Variants in TMCO4 observed in about 807,000 individuals in gnomAD.
The protein encoded by TMCO4 is transmembrane and coiled-coil domain-containing protein 4.
TMCO4 carries 58 observed loss-of-function variants against 64.7 expected under a neutral mutation model. The ratio of observed to expected loss-of-function variants is 0.90; its 90% CI spans 0.73 to 1.12. The LOEUF (loss-of-function observed/expected upper bound fraction) is 1.12, where lower values mean the gene tolerates loss of function less well. TMCO4 is among the 50% of genes most tolerant of loss of function. The pLI is 0.00. For synonymous variants in TMCO4, 325 were observed against 346.1 expected (o/e 0.94, Z 0.68); for missense variants, 780 against 825.9 (o/e 0.94, Z 0.68).
At chr1:19,721,188 A>G (rs556407408) in intron 13 of TMCO4, among the ~76,000 whole-genome samples, 25 of 152,266 alleles carry the variant, frequency 1.6e-4, no homozygotes, top group African/African-American at 5.8e-4. Context: ...AGGGAAGGAA[A>G]CTGAGAATGG....
intron 13 of TMCO4, among the ~76,000 whole-genome samples, chr1:19,725,155 A>G (rs2095403277): frequency 1.3e-5 from 2 of 152,186 alleles, no homozygotes; most frequent in Non-Finnish European, 2.9e-5. Flanking sequence ...CAGATGGGGA[A>G]GCCAGGATTG....
chr1:19,795,436 C>T (rs2101158973), intron 2 of TMCO4, among the ~76,000 whole-genome samples: 1 of 152,266 alleles, frequency 6.6e-6, no homozygotes, highest in East Asian at 1.9e-4. Flanking sequence ...TGCGCCATTG[C>T]ACTCCAGCCT....
intron 13 of TMCO4, among the ~76,000 whole-genome samples, chr1:19,709,289 G>A (rs375235372): frequency 7.6e-5 from 11 of 144,152 alleles, no homozygotes; most frequent in African/African-American, 2.6e-4. Context: ...ATCCCGGCGG[G>A]GGGGGGGGAC....
At chr1:19,697,576 G>A (rs895486120) in intron 14 of TMCO4, among the ~76,000 whole-genome samples, 2 of 151,564 alleles carry the variant, frequency 1.3e-5, no homozygotes, top group African/African-American at 4.9e-5. Flanking sequence ...TGGGACTACA[G>A]GCATGAGCCA....
intron 2 of TMCO4, among the ~76,000 whole-genome samples, chr1:19,796,693 G>A (rs1010009976): frequency 6.6e-6 from 1 of 152,086 alleles, no homozygotes; most frequent in African/African-American, 2.4e-5. Context: ...TCCTGCCTCA[G>A]CTTCCTGAGT....
rs927111097 is a variant in TMCO4 at position 19,682,823 on chromosome 1, G to A, written c.*217C>T. ...GAGGGGGCAGCTGCTCCCTGGTGGG[G>A]CTCCTCTGGGGACAGGCAGCTTCCC... On this transcript the variant is annotated 3_prime_UTR_variant, in exon 16 of 16. Coordinates refer to ENST00000294543, the MANE Select transcript of TMCO4 (RefSeq NM_181719.7). 5 of 742,736 alleles carry A rather than the reference G, an allele frequency of 6.7e-6. No individual in the cohort carries two copies. The highest frequency in any genetic ancestry group is 1.2e-5 in the Non-Finnish European group (5 of 416,276). The allele number at this position is 742,736 out of a possible 1,614,324, so 46.0% of individuals were successfully genotyped here. A position where few individuals can be genotyped will look rare whatever the true frequency, so the allele number is the denominator to read the frequency against.
chr1:19,702,150 T>C (rs1229062195), intron 13 of TMCO4, among the ~76,000 whole-genome samples: 2 of 152,078 alleles, frequency 1.3e-5, no homozygotes, highest in African/African-American at 4.8e-5. Flanking sequence ...TTAGTATTTT[T>C]AGTAGAGACA....
intron 6 of TMCO4, among the ~76,000 whole-genome samples, chr1:19,763,102 G>T (rs1185612169): frequency 6.6e-6 from 1 of 151,314 alleles, no homozygotes; most frequent in Non-Finnish European, 1.5e-5. Context: ...TTGAGATGGA[G>T]TTTCACTCTG....
intron 13 of TMCO4, among the ~76,000 whole-genome samples, chr1:19,722,096 A>G (rs938245982): frequency 2.6e-5 from 4 of 152,120 alleles, no homozygotes; most frequent in African/African-American, 9.7e-5. Flanking sequence ...GTTTCCTATC[A>G]CTAGAAGCAA....
intron 2 of TMCO4, among the ~76,000 whole-genome samples, chr1:19,790,148 C>T (rs1309736635): frequency 6.6e-6 from 1 of 151,572 alleles, no homozygotes; most frequent in Non-Finnish European, 1.5e-5. Context: ...TAGACCCCTT[C>T]TTTACACCGT....
At chr1:19,772,275 G>A (rs2043019884) in intron 4 of TMCO4, among the ~76,000 whole-genome samples, 1 of 152,204 alleles carries the variant, frequency 6.6e-6, no homozygotes, top group African/African-American at 2.4e-5. Flanking sequence ...CCCAGAGAAG[G>A]CCATCTGCTC....
intron 6 of TMCO4, among the ~76,000 whole-genome samples, chr1:19,758,610 T>C (rs979703867): frequency 6.6e-5 from 10 of 152,294 alleles, no homozygotes; most frequent in South Asian, 4.1e-4. Context: ...GCAGGGATGC[T>C]GGTCTTGGAG....
At chr1:19,792,764 AATTT>A (rs1217452784) in intron 2 of TMCO4, among the ~76,000 whole-genome samples, 2 of 42,606 alleles carry the variant, frequency 4.7e-5, no homozygotes, top group African/African-American at 1.3e-4. Context: ...GGTCAAGGTC[AATTT>A]TTTTTTTTTT....
chr1:19,693,368 C>T (rs1052594477), intron 15 of TMCO4, among the ~76,000 whole-genome samples: 13 of 151,626 alleles, frequency 8.6e-5, no homozygotes, highest in Admixed American at 5.3e-4. Flanking sequence ...CTGTAATCCC[C>T]GCTACTCGGG....
At chr1:19,720,811 T>TACTG (rs1224622830) in intron 13 of TMCO4, among the ~76,000 whole-genome samples, 1 of 152,076 alleles carries the variant, frequency 6.6e-6, no homozygotes, top group Non-Finnish European at 1.5e-5. Flanking sequence ...AAATCACAGG[T>TACTG]ACTGGGTATG....
intron 14 of TMCO4, among the ~76,000 whole-genome samples, chr1:19,696,059 C>G (rs1254113303): frequency 5.3e-5 from 8 of 152,316 alleles, no homozygotes; most frequent in Admixed American, 1.3e-4. Context: ...ACTCCCTGCT[C>G]CTGGCCTCAC....
intron 7 of TMCO4, chr1:19,750,218 A>T (rs1404819396): frequency 6.6e-6 from 1 of 152,190 alleles, no homozygotes; most frequent in Non-Finnish European, 1.5e-5. Flanking sequence ...GTCAGTTCCA[A>T]GTGGAAGGCT....
chr1:19,706,793 C>T (rs1238950862), intron 13 of TMCO4, among the ~76,000 whole-genome samples: 1 of 152,162 alleles, frequency 6.6e-6, no homozygotes, highest in Non-Finnish European at 1.5e-5. Flanking sequence ...CCAACACTTT[C>T]TTTGCCTCTA....
At chr1:19,754,328 C>T (rs1401183960) in intron 7 of TMCO4, among the ~76,000 whole-genome samples, 1 of 152,090 alleles carries the variant, frequency 6.6e-6, no homozygotes, top group African/African-American at 2.4e-5. Context: ...CCTAGGATGC[C>T]CTCGTGATTA....
Sources: gnomAD v4.1 joint callset for allele counts (sites outside exome capture counted in the v4.1 genomes callset) on GRCh38, gnomAD v4.1.1 for gene constraint, MANE v1.5 for transcripts, NCBI Gene and HGNC (gene_info 2026-07-23, HGNC 2026-07-21) for gene names.